The following VDR variants were observed in gnomAD, a reference collection of about 807,000 sequenced individuals.
VDR encodes the protein vitamin D3 receptor.
VDR carries 19 observed loss-of-function variants against 39.7 expected under a neutral mutation model. The observed-to-expected ratio is 0.48, with a 90% CI of 0.33 to 0.70. The LOEUF is 0.70. Ranked by LOEUF, VDR falls within the 30% of genes least tolerant of loss-of-function variation. The pLI is 0.02. For missense variants in VDR, 442 were observed against 570.5 expected, an observed-to-expected ratio of 0.77 and a Z score of 2.29; for synonymous variants, 242 against 215.8, an observed-to-expected ratio of 1.12 and a Z score of -1.07.
intron 4 of VDR, among the ~76,000 whole-genome samples, chr12:47,863,442 G>A (rs1008018006): frequency 3.3e-5 from 5 of 152,210 alleles, no homozygotes; most frequent in African/African-American, 1.2e-4. Context: ...GCCAGTCTTG[G>A]TTAGCTGGAG....
At position 47,844,009 on chromosome 12, in the gene VDR, G is replaced by C. The variant is rs1402212387; in HGVS notation, c.*737C>G. 6.5e-6 allele frequency: 1 copy of C among 153,314 alleles called. No individual in the cohort carries two copies. Among genetic ancestry groups the C allele is most frequent in the Non-Finnish European group, 1.5e-5 (1 of 68,858 alleles). 9.5% of individuals were successfully genotyped at this position (153,314 alleles called of 1,614,324 possible). A position where few individuals can be genotyped will look rare whatever the true frequency, so the allele number is the denominator to read the frequency against. The stretch of plus-strand genomic sequence containing the variant: ...TGCAAACTGGGGACAATTCAGTCCT[G>C]CTACATGGATCCGTGGAAGGAGGGC... On this transcript the variant is annotated 3_prime_UTR_variant, in exon 10 of 10. Transcript: ENST00000549336.
intron 1 of VDR, among the ~76,000 whole-genome samples, chr12:47,883,862 C>G (rs1946206374): frequency 6.6e-6 from 1 of 152,216 alleles, no homozygotes; most frequent in Admixed American, 6.5e-5. Context: ...CACTTGCCAC[C>G]CCCTCCAGTA....
In VDR at chr12:47,857,580, T is replaced by C; in HGVS notation, c.386A>G (p.Gln129Arg). Residue 129 changes from glutamine to arginine, a missense_variant, in exon 5 of 10, where the codon CAG (glutamine) becomes CGG (arginine). Transcript: ENST00000549336. ...GTCCAGCAGTATGGCAATGATGCGC[T>C]GCTGCTCCTCAGACAGCTTGGGCCG... ...SLRPKLSEEQ[Q>R]RIIAILLDAH... 1 of 1,614,242 alleles carries C rather than the reference T, an allele frequency of 6.2e-7. No individual in the cohort carries two copies. Among genetic ancestry groups the C allele is most frequent in the Non-Finnish European group, 8.5e-7 (1 of 1,180,034 alleles).
intron 3 of VDR, among the ~76,000 whole-genome samples, chr12:47,866,283 A>G (rs752666857): frequency 6.7e-6 from 1 of 150,180 alleles, no homozygotes; most frequent in Non-Finnish European, 1.5e-5. Flanking sequence ...AATTCTTTGT[A>G]TTTTCAGTAG....
chr12:47,855,988 T>C (rs763013694), intron 6 of VDR, among the ~76,000 whole-genome samples, 187 bp from the exon 7 acceptor site: 2 of 152,182 alleles, frequency 1.3e-5, no homozygotes, highest in Non-Finnish European at 2.9e-5. Context: ...TTCAGCAGCA[T>C]AAGGCAGTAA....
intron 1 of VDR, among the ~76,000 whole-genome samples, chr12:47,901,918 G>C (rs1946569184): frequency 6.6e-6 from 1 of 152,214 alleles, no homozygotes; most frequent in South Asian, 2.1e-4. Flanking sequence ...CTGGGTCCCA[G>C]GACAGGGTGG....
intron 6 of VDR, among the ~76,000 whole-genome samples, chr12:47,856,291 G>C (rs781032513): frequency 1.3e-5 from 2 of 152,190 alleles, no homozygotes; most frequent in Non-Finnish European, 2.9e-5. Flanking sequence ...AGGTACTCTA[G>C]AAAGCTATTT....
intron 3 of VDR, among the ~76,000 whole-genome samples, chr12:47,870,492 G>A (rs765379970): frequency 1.2e-4 from 18 of 152,186 alleles, no homozygotes; most frequent in Non-Finnish European, 2.4e-4. Flanking sequence ...TAGGGGTGGG[G>A]CAACCAAGCT....
At chr12:47,875,157 C>T (rs573253964) in intron 3 of VDR, among the ~76,000 whole-genome samples, 4 of 152,354 alleles carry the variant, frequency 2.6e-5, no homozygotes, top group Non-Finnish European at 5.9e-5. Context: ...AACCTTCTAA[C>T]CATCATCACA....
chr12:47,882,877 C>G, intron 1 of VDR, 103 bp from the exon 2 acceptor site: 1 of 875,204 alleles, frequency 1.1e-6, no homozygotes, highest in East Asian at 2.8e-5. Flanking sequence ...GGACTTTAGT[C>G]CCCAGATCAG....
chr12:47,880,972 T>C lies in VDR; in HGVS notation c.-3+1722A>G, dbSNP rs1281641616. 4.7e-5 allele frequency among the ~76,000 whole-genome samples: 7 copies of C among 149,686 alleles called. No individual in the cohort carries two copies. The Admixed American group carries it at 4.7e-4, about 10-fold the overall frequency. On this transcript the variant is annotated intron_variant, in intron 2 of 9. Transcript: ENST00000549336. ...AGTTTAGCAAGTATAAATATATACC[T>C]ATATATAAAGAGAGAAGCACTTTCA...
intron 1 of VDR, among the ~76,000 whole-genome samples, chr12:47,887,672 G>A (rs902464627): frequency 1.3e-5 from 2 of 152,260 alleles, no homozygotes; most frequent in African/African-American, 4.8e-5. Flanking sequence ...TCTATGGAAA[G>A]GGCCCATGGA....
At position 47,843,468 on chromosome 12, in the gene VDR, T is replaced by C. The variant is rs1352320069; in HGVS notation, c.*1278A>G. The C allele has an allele frequency of 6.6e-6, 1 of 152,360 alleles. No individual in the cohort carries two copies. Among genetic ancestry groups the C allele is most frequent in the Admixed American group, 6.5e-5 (1 of 15,270 alleles). 9.4% of individuals were successfully genotyped at this position (152,360 alleles called of 1,614,324 possible). A position where few individuals can be genotyped will look rare whatever the true frequency, so the allele number is the denominator to read the frequency against. On this transcript the variant is annotated 3_prime_UTR_variant, in exon 10 of 10. Transcript: ENST00000549336. ...GCTCACTCTCACAAAGACCCCACCT[T>C]GGAGTAAACGGACAGACGCTTCCCA...
At chr12:47,846,582 G>A in intron 8 of VDR, 75 bp downstream of exon 8, 1 of 1,601,502 alleles carries the variant, frequency 6.2e-7, no homozygotes, top group Non-Finnish European at 8.5e-7. Flanking sequence ...TCTGATTGGA[G>A]CCAAACCCCA....
intron 3 of VDR, among the ~76,000 whole-genome samples, chr12:47,871,312 TTC>T (rs974552368): frequency 2.2e-5 from 3 of 134,764 alleles, no homozygotes; most frequent in African/African-American, 8.3e-5. Context: ...CTTTCTTTCT[TTC>T]TTTCTTTCTT....
intron 2 of VDR, among the ~76,000 whole-genome samples, chr12:47,879,762 C>T (rs926033229): frequency 1.3e-5 from 2 of 151,418 alleles, no homozygotes; most frequent in African/African-American, 2.4e-5. Context: ...CAAGATATTT[C>T]CCCCCCCTTT....
At chr12:47,904,704 C>T (rs1946636637) in intron 1 of VDR, 1 of 1,457,700 alleles carries the variant, frequency 6.9e-7, no homozygotes, top group African/African-American at 1.4e-5. Context: ...GTTAGCGGAG[C>T]ATTTCTCCTA....
chr12:47,883,402 A>C (rs912308281), intron 1 of VDR, among the ~76,000 whole-genome samples: 12 of 152,076 alleles, frequency 7.9e-5, no homozygotes, highest in Admixed American at 5.9e-4. Context: ...AAATACAGCA[A>C]AGCATTGCTT....
At chr12:47,878,261 C>T (rs1484873583) in intron 3 of VDR, among the ~76,000 whole-genome samples, 2 of 152,196 alleles carry the variant, frequency 1.3e-5, no homozygotes, top group Non-Finnish European at 2.9e-5. Flanking sequence ...TCATGATTCC[C>T]AGTTCCTGCC....
Sources: allele counts gnomAD v4.1 joint callset (sites outside exome capture counted in the v4.1 genomes callset), GRCh38; gene constraint gnomAD v4.1.1; transcripts MANE v1.5; gene names NCBI Gene and HGNC (gene_info 2026-07-23, HGNC 2026-07-21).